TNS3: variants seen among roughly 807,000 people sequenced by gnomAD.
TNS3 encodes tensin-3.
In TNS3, 45 loss-of-function variants were observed where a neutral mutation model predicts 140.9. The ratio of observed to expected loss-of-function variants is 0.32; its 90% confidence interval spans 0.25 to 0.41. The LOEUF is 0.41. TNS3 is among the 10% of genes least tolerant of loss of function. The probability of loss-of-function intolerance (pLI) is 1.00; values close to 1 mark genes in which losing one functional copy is unlikely to be tolerated. For missense variants in TNS3, 1,716 were observed against 1,906.7 expected (o/e 0.90, Z 1.86); for synonymous variants, 815 against 788.4 (o/e 1.03, Z -0.56).
chr7:47,312,843 C>A (rs898565791), intron 20 of TNS3, among the ~76,000 whole-genome samples: 2 of 151,768 alleles, frequency 1.3e-5, no homozygotes, highest in East Asian at 1.9e-4. Context: ...GTAACCTGCA[C>A]GTTGTGCACA....
In TNS3 at chr7:47,538,793, T is replaced by G. The variant is rs927367325; in HGVS notation, c.-264-9646A>C. 4.6e-5 allele frequency among the ~76,000 whole-genome samples: 7 copies of G among 152,208 alleles called. 1 individual carries two copies. Among genetic ancestry groups the G allele is most frequent in the African/African-American group, 1.7e-4 (7 of 41,450 alleles). ...AGGCATTCTCATTTCCCCCTGTCCT[T>G]CAAATGACACCATTATTCACCTTTT... On this transcript the variant is annotated intron_variant, in intron 1 of 30. Coordinates refer to ENST00000311160, the MANE Select transcript of TNS3 (RefSeq NM_022748.12).
At chr7:47,401,040 G>C in intron 13 of TNS3, 126 bp from the exon 14 acceptor site, 1 of 1,377,994 alleles carries the variant, frequency 7.3e-7, no homozygotes, top group Non-Finnish European at 9.8e-7. Context: ...GGGAGTTCAC[G>C]CTTTGGAGTG....
chr7:47,332,443 G>C (rs554339340), intron 20 of TNS3, among the ~76,000 whole-genome samples: 14 of 152,162 alleles, frequency 9.2e-5, no homozygotes, highest in Admixed American at 9.2e-4. Context: ...TCAAAGCAGC[G>C]AGGAGGAGAC....
intron 20 of TNS3, among the ~76,000 whole-genome samples, chr7:47,313,006 G>A (rs1034589597): frequency 3.3e-5 from 5 of 152,204 alleles, no homozygotes; most frequent in Non-Finnish European, 7.4e-5. Context: ...GAGTGCCTGC[G>A]TGTCCTGCTT....
intron 20 of TNS3, among the ~76,000 whole-genome samples, chr7:47,339,256 C>G (rs761452470): frequency 2.0e-4 from 31 of 152,126 alleles, no homozygotes; most frequent in Non-Finnish European, 4.0e-4. Flanking sequence ...ATGCTTTTGT[C>G]CTAACCTCAT....
chr7:47,518,279 C>T (rs540189050), intron 2 of TNS3, among the ~76,000 whole-genome samples: 1 of 152,262 alleles, frequency 6.6e-6, no homozygotes, highest in Admixed American at 6.5e-5. Context: ...TCTGTGCGCC[C>T]GTGTGGCACA....
intron 20 of TNS3, among the ~76,000 whole-genome samples, chr7:47,338,823 G>A (rs1788779375): frequency 6.6e-6 from 1 of 152,118 alleles, no homozygotes; most frequent in Non-Finnish European, 1.5e-5. Context: ...GCGTCTTTTT[G>A]GTAGAATGAT....
At chr7:47,513,854 C>T (rs1798690921) in intron 2 of TNS3, among the ~76,000 whole-genome samples, 1 of 152,228 alleles carries the variant, frequency 6.6e-6, no homozygotes. Flanking sequence ...GCAAACCACA[C>T]ATCAGTTCCC....
intron 4 of TNS3, among the ~76,000 whole-genome samples, chr7:47,476,505 T>C (rs570166279): frequency 3.9e-4 from 60 of 152,260 alleles, no homozygotes; most frequent in African/African-American, 1.3e-3. Flanking sequence ...CCACAGCCCA[T>C]AGAACGGTAA....
intron 2 of TNS3, among the ~76,000 whole-genome samples, chr7:47,516,186 G>A (rs1458473124): frequency 1.3e-5 from 2 of 152,170 alleles, no homozygotes; most frequent in Admixed American, 6.5e-5. Context: ...TTTGGGGAGT[G>A]GTCTCTATAT....
Position 47,302,301 on chromosome 7 carries a change from C to G in TNS3, c.3458-29G>C, listed in dbSNP as rs772652706. 16 of 1,567,874 alleles carry G rather than the reference C, an allele frequency of 1.0e-5. No homozygotes were observed. The South Asian group carries it at 1.8e-4, about 17-fold the overall frequency. ...TAAAGCAAAATTTAAAAACAGTGACCATGATGGGCACTTTTCTTCTTGCAA... is the reference window on the plus strand; with the variant it reads ...TAAAGCAAAATTTAAAAACAGTGACGATGATGGGCACTTTTCTTCTTGCAA... On this transcript the variant is annotated intron_variant, in intron 22 of 30. Transcript: ENST00000311160.
At chr7:47,393,903 C>T (rs548245797) in intron 16 of TNS3, among the ~76,000 whole-genome samples, 34 of 152,162 alleles carry the variant, frequency 2.2e-4, no homozygotes, top group African/African-American at 8.2e-4. Context: ...CAACTGGCTC[C>T]ATCTTTTGCA....
At chr7:47,548,497 G>A (rs1799980854) in intron 1 of TNS3, among the ~76,000 whole-genome samples, 1 of 152,132 alleles carries the variant, frequency 6.6e-6, no homozygotes, top group Non-Finnish European at 1.5e-5. Context: ...CCCAGTAAGG[G>A]ACACCTGTCC....
intron 5 of TNS3, among the ~76,000 whole-genome samples, chr7:47,440,025 G>GAGT (rs1158389614): frequency 6.6e-6 from 1 of 152,150 alleles, no homozygotes; most frequent in Non-Finnish European, 1.5e-5. Context: ...GTTCCAGGCG[G>GAGT]GACTCCTGGA....
chr7:47,536,707 C>T (rs1205682375), intron 1 of TNS3, among the ~76,000 whole-genome samples: 3 of 152,194 alleles, frequency 2.0e-5, no homozygotes, highest in Non-Finnish European at 2.9e-5. Flanking sequence ...CTCCACTGGC[C>T]CTCTCGCTCC....
chr7:47,414,708 C>T (rs190538778), intron 11 of TNS3, among the ~76,000 whole-genome samples: 2 of 152,172 alleles, frequency 1.3e-5, no homozygotes, highest in African/African-American at 2.4e-5. Context: ...TCATGAGATG[C>T]GTCAGGGGAG....
At chr7:47,458,579 T>C (rs186953456) in intron 4 of TNS3, among the ~76,000 whole-genome samples, 6 of 152,378 alleles carry the variant, frequency 3.9e-5, no homozygotes, top group Non-Finnish European at 1.5e-5. Context: ...TGCGCTGGGA[T>C]GAGCTGTGAA....
chr7:47,433,131 G>A (rs1460579106), intron 8 of TNS3, among the ~76,000 whole-genome samples: 3 of 152,156 alleles, frequency 2.0e-5, no homozygotes, highest in African/African-American at 4.8e-5. Context: ...TAGGAGGACC[G>A]ACCCTCACTC....
Position 47,303,246 on chromosome 7 carries a change from G to C in TNS3, c.3161C>G (p.Pro1054Arg), listed in dbSNP as rs61731307. ...GTCGGCAGCCCCTGTCGCTGTCAGCGGGATGCTGGGGGTCGGTGACGCTCC... is the reference window on the plus strand; with the variant it reads ...GTCGGCAGCCCCTGTCGCTGTCAGCCGGATGCTGGGGGTCGGTGACGCTCC... ...SHGASPTPSI[P>R]LTATGAADNG... The change falls in exon 22 of 31, where the codon CCG (proline) becomes CGG (arginine). Residue 1054 changes from proline to arginine, a missense_variant. Coordinates refer to ENST00000311160, the MANE Select transcript of TNS3 (RefSeq NM_022748.12). 1.9e-6 allele frequency: 3 copies of C among 1,613,612 alleles called. No individual in the cohort carries two copies. Among genetic ancestry groups the C allele is most frequent in the Non-Finnish European group, 2.5e-6 (3 of 1,180,006 alleles).
Sources: allele counts gnomAD v4.1 joint callset (sites outside exome capture counted in the v4.1 genomes callset), GRCh38; gene constraint gnomAD v4.1.1; transcripts MANE v1.5; gene names NCBI Gene and HGNC (gene_info 2026-07-23, HGNC 2026-07-21).